Variants in BRIP1 observed in about 807,000 individuals in gnomAD.
BRIP1 encodes BRCA1 interacting DNA helicase 1.
Under a neutral mutation model 119.7 loss-of-function variants are expected in BRIP1, and 88 were observed. The ratio of observed to expected loss-of-function variants is 0.74; its 90% confidence interval spans 0.62 to 0.88. The LOEUF is 0.88. BRIP1 is among the 40% of genes least tolerant of loss of function. The pLI, the probability that BRIP1 is intolerant of heterozygous loss-of-function variation, is 0.00. For synonymous variants in BRIP1, 443 were observed against 496.5 expected, an observed-to-expected ratio of 0.89 and a Z score of 1.43; for missense variants, 1,259 against 1,455.4, an observed-to-expected ratio of 0.87 and a Z score of 2.20.
In BRIP1 at chr17:61,748,695, G is replaced by A. The variant is rs1313941975; in HGVS notation, c.2098-4104C>T. 6.6e-6 allele frequency among the ~76,000 whole-genome samples: 1 copy of A among 152,086 alleles called. No individual in the cohort carries two copies. The highest frequency in any genetic ancestry group is 2.1e-4 in the South Asian group (1 of 4,826). On this transcript the variant is annotated intron_variant, in intron 14 of 19. Coordinates refer to ENST00000259008, the MANE Select transcript of BRIP1 (RefSeq NM_032043.3). The surrounding 1 kb of genome is among the most constrained non-coding windows in gnomAD (Gnocchi z 4.7). ...GTATGATCAACTGATCTTCAGCAAG[G>A]GTGCCAAAAATACATAATGGGGAAA...
chr17:61,772,208 T>A (rs1433328569), intron 14 of BRIP1, among the ~76,000 whole-genome samples: 202 of 86,216 alleles, frequency 2.3e-3, no homozygotes, highest in African/African-American at 5.8e-3. Flanking sequence ...TATATATATA[T>A]AAAATGAAAT....
In BRIP1 at chr17:61,825,263, C is replaced by G. The variant is rs370000292; in HGVS notation, c.628-16506G>C. On this transcript the variant is annotated intron_variant, in intron 6 of 19. Transcript: ENST00000259008. This position sits in a 1 kb window ranked among gnomAD's most constrained non-coding sequence, Gnocchi z 4.1. ...TTGTGCCACTGCACTCCAGCCTGGG[C>G]GACAGAGCAAGACTCTGTCTCAAAA... Among the ~76,000 whole-genome samples, 1 of 149,596 alleles carries G rather than the reference C, an allele frequency of 6.7e-6. No homozygotes were observed. The highest frequency in any genetic ancestry group is 2.5e-5 in the African/African-American group (1 of 40,466).
rs2077927923 is a variant in BRIP1 at position 61,798,005 on chromosome 17, A to T, written c.1340+1095T>A. Among the ~76,000 whole-genome samples the T allele has an allele frequency of 1.3e-5, 2 of 152,020 alleles. No homozygotes were observed. Among genetic ancestry groups the T allele is most frequent in the African/African-American group, 2.4e-5 (1 of 41,434 alleles). On this transcript the variant is annotated intron_variant, in intron 9 of 19. Transcript: ENST00000259008. This position sits in a 1 kb window ranked among gnomAD's most constrained non-coding sequence, Gnocchi z 5.5. ...GTTAGCTATATCTATTGAAATTACA[A>T]ATATGTCTATGCTTTCACCCAACAA...
At chr17:61,698,056 T>C (rs569198388) in intron 17 of BRIP1, among the ~76,000 whole-genome samples, 4 of 152,342 alleles carry the variant, frequency 2.6e-5, no homozygotes, top group Non-Finnish European at 4.4e-5. Context: ...TCTGCCCGTG[T>C]TGGCCTCCCA....
Position 61,682,744 on chromosome 17 carries a change from C to G in BRIP1, c.*552G>C, listed in dbSNP as rs1478983804. 1.0e-5 allele frequency: 2 copies of G among 191,452 alleles called. No individual in the cohort carries two copies. Among genetic ancestry groups the G allele is most frequent in the Non-Finnish European group, 2.2e-5 (2 of 91,588 alleles). The allele number at this position is 191,452 out of a possible 1,614,324, so 11.9% of individuals were successfully genotyped here. On this transcript the variant is annotated 3_prime_UTR_variant, in exon 20 of 20. Transcript: ENST00000259008. The surrounding 1 kb of genome is among the most constrained non-coding windows in gnomAD (Gnocchi z 4.9). ...ACCTAATATGAATATTTACGTGAAA[C>G]TAGAAGTGCCCTAGGATCTTTGAAT...
chr17:61,821,876 T>G (rs1603351865), intron 6 of BRIP1, among the ~76,000 whole-genome samples: 1 of 152,224 alleles, frequency 6.6e-6, no homozygotes, highest in South Asian at 2.1e-4. Flanking sequence ...CAGGTGAATA[T>G]CACCACATCA....
chr17:61,813,290 A>G (rs1331930173), intron 6 of BRIP1, among the ~76,000 whole-genome samples: 1 of 151,688 alleles, frequency 6.6e-6, no homozygotes, highest in Non-Finnish European at 1.5e-5. Flanking sequence ...GTGTTCTTCC[A>G]TAACTTTCCA....
chr17:61,840,355 CA>C (rs11334899), intron 6 of BRIP1, among the ~76,000 whole-genome samples: 40,854 of 104,154 alleles, frequency 0.39, 6,000 homozygotes, highest in East Asian at 0.73. Context: ...GACTCCGTCT[CA>C]AAAAAAAAAA....
rs868121615 is a variant in BRIP1 at position 61,782,334 on chromosome 17, C to T, written c.1629-1329G>A. 1.2e-4 allele frequency among the ~76,000 whole-genome samples: 17 copies of T among 136,724 alleles called. No homozygotes were observed. The Middle Eastern group carries it at 0.029, about 230-fold the overall frequency. 89.7% of individuals were successfully genotyped at this position (136,724 alleles called of 152,430 possible). ...CCGGGAGGCTGAGCTTGCAGTGAGC[C>T]GAGATCGCGCCACTGCACTCCAACC... On this transcript the variant is annotated intron_variant, in intron 11 of 19. Coordinates refer to ENST00000259008, the MANE Select transcript of BRIP1 (RefSeq NM_032043.3).
rs2145760657 is a variant in BRIP1 at position 61,849,111 on chromosome 17, C to A, written c.507+18G>T. On this transcript the variant is annotated intron_variant, in intron 5 of 19. Coordinates refer to ENST00000259008, the MANE Select transcript of BRIP1 (RefSeq NM_032043.3). The stretch of plus-strand genomic sequence containing the variant: ...CTGTAACTAACTGGGTTATTTACTG[C>A]CAATAAACTCTGTTTACCTGCTGTG... The A allele has an allele frequency of 6.2e-7, 1 of 1,613,042 alleles. No individual in the cohort carries two copies.
At chr17:61,712,626 C>T (rs960297061) in intron 17 of BRIP1, among the ~76,000 whole-genome samples, 3 of 152,028 alleles carry the variant, frequency 2.0e-5, no homozygotes, top group Non-Finnish European at 2.9e-5. Context: ...AATTTGTGGG[C>T]CGAATGTGGT....
In BRIP1 at chr17:61,860,618, C is replaced by T. The variant is rs1198718198; in HGVS notation, c.94-711G>A. On this transcript the variant is annotated intron_variant, in intron 2 of 19. Transcript: ENST00000259008. The surrounding 1 kb of genome is among the most constrained non-coding windows in gnomAD (Gnocchi z 4.1). Reference sequence around the variant, plus strand: ...GGGGTTGCAGTGAGCCAAGATCGCGCCACTGCACTCCAATCTGGGCGACAG... The same window carrying T: ...GGGGTTGCAGTGAGCCAAGATCGCGTCACTGCACTCCAATCTGGGCGACAG... Among the ~76,000 whole-genome samples, 2 of 152,110 alleles carry T rather than the reference C, an allele frequency of 1.3e-5. No homozygotes were observed. Among genetic ancestry groups the T allele is most frequent in the African/African-American group, 4.8e-5 (2 of 41,420 alleles).
rs2077219666 is a variant in BRIP1 at position 61,757,777 on chromosome 17, A to T, written c.2098-13186T>A. On this transcript the variant is annotated intron_variant, in intron 14 of 19. Coordinates refer to ENST00000259008, the MANE Select transcript of BRIP1 (RefSeq NM_032043.3). This position sits in a 1 kb window ranked among gnomAD's most constrained non-coding sequence, Gnocchi z 4.3. ...CACTTTGGGAGGCCAAGGCAGACAG[A>T]TCTCTTGAGCTCAGGATTTCAAGAC... Among the ~76,000 whole-genome samples the T allele has an allele frequency of 6.6e-6, 1 of 152,108 alleles. No homozygotes were observed. The highest frequency in any genetic ancestry group is 2.4e-5 in the African/African-American group (1 of 41,430).
Position 61,846,226 on chromosome 17 carries a change from TAGAGAGAGAGAGAGAGAA to T in BRIP1, c.627+857_627+874del, listed in dbSNP as rs1309083589. 1.4e-5 allele frequency among the ~76,000 whole-genome samples: 2 copies of T among 140,944 alleles called. No homozygotes were observed. The highest frequency in any genetic ancestry group is 5.1e-5 in the African/African-American group (2 of 38,988). 92.5% of individuals were successfully genotyped at this position (140,944 alleles called of 152,430 possible). A position where few individuals can be genotyped will look rare whatever the true frequency, so the allele number is the denominator to read the frequency against. The stretch of plus-strand genomic sequence containing the variant: ...ATAAATTTAAAAAATTATATACATA[TAGAGAGAGAGAGAGAGAA>T]AAAGAGAGAGAGAGAGAAAGAGAGA... On this transcript the variant is annotated intron_variant, in intron 6 of 19. Transcript: ENST00000259008. This position sits in a 1 kb window ranked among gnomAD's most constrained non-coding sequence, Gnocchi z 4.3.
Position 61,729,177 on chromosome 17 carries a change from G to C in BRIP1, c.2380-13114C>G, listed in dbSNP as rs1019284068. ...GCCTGTAATCCCAGCTACTCGGGAGGCTGAGGCAGGAGGATCGCTTGAGCC... is the reference window on the plus strand; with the variant it reads ...GCCTGTAATCCCAGCTACTCGGGAGCCTGAGGCAGGAGGATCGCTTGAGCC... On this transcript the variant is annotated intron_variant, in intron 16 of 19. Transcript: ENST00000259008. This position sits in a 1 kb window ranked among gnomAD's most constrained non-coding sequence, Gnocchi z 5.6. 6.6e-6 allele frequency among the ~76,000 whole-genome samples: 1 copy of C among 152,122 alleles called. No individual in the cohort carries two copies. Among genetic ancestry groups the C allele is most frequent in the Non-Finnish European group, 1.5e-5 (1 of 68,036 alleles).
intron 8 of BRIP1, among the ~76,000 whole-genome samples, chr17:61,800,472 T>C (rs568083046): frequency 1.2e-4 from 18 of 152,210 alleles, no homozygotes; most frequent in Non-Finnish European, 2.5e-4. Context: ...GAGGTAATTT[T>C]TGAAGGATTC....
intron 6 of BRIP1, among the ~76,000 whole-genome samples, chr17:61,811,674 G>A (rs1382382194): frequency 2.0e-5 from 3 of 151,672 alleles, no homozygotes; most frequent in Admixed American, 6.6e-5. Context: ...GGTACAGGCC[G>A]GGCATGGTGG....
Position 61,686,292 on chromosome 17 carries a change from C to A in BRIP1, c.2576-127G>T, listed in dbSNP as rs1336742410. The A allele has an allele frequency of 4.6e-6, 4 of 873,558 alleles. No homozygotes were observed. The highest frequency in any genetic ancestry group is 7.3e-6 in the Non-Finnish European group (4 of 544,698). 54.1% of individuals were successfully genotyped at this position (873,558 alleles called of 1,614,324 possible). ...TGTATTTTGAATATACAGAATGGTT[C>A]TCCATATGTTTTTTCTGCAATTCAG... On this transcript the variant is annotated intron_variant, in intron 18 of 19. Transcript: ENST00000259008. The surrounding 1 kb of genome is among the most constrained non-coding windows in gnomAD (Gnocchi z 5.4).
Position 61,780,997 on chromosome 17 carries a change from T to C in BRIP1, c.1637A>G (p.Asp546Gly), listed in dbSNP as rs2077612367. The C allele has an allele frequency of 1.9e-6, 3 of 1,613,830 alleles. No individual in the cohort carries two copies. Among genetic ancestry groups the C allele is most frequent in the Non-Finnish European group, 2.5e-6 (3 of 1,179,996 alleles). ...CTGTTGAATCGCAATTTTATAATCA[T>C]CTGCAAATCTAGATGCAAAGAAAGT... ...YLFRQNSRFA[D>G]DYKIAIQQTY... The change falls in exon 12 of 20, where the codon GAT becomes GGT. Residue 546 changes from aspartate to glycine, a missense_variant. Asp to Gly is a moderately conservative substitution (Grantham distance 94). This residue lies in a region of BRIP1 where 753 missense variants were observed against 891.8 expected (regional missense o/e 0.84). Transcript: ENST00000259008. This position sits in a 1 kb window ranked among gnomAD's most constrained non-coding sequence, Gnocchi z 5.4.
Sources: allele counts gnomAD v4.1 joint callset (sites outside exome capture counted in the v4.1 genomes callset), GRCh38; gene constraint gnomAD v4.1.1; regional missense constraint gnomAD v4.1.1; non-coding constraint Gnocchi (gnomAD v3.1); transcripts MANE v1.5; gene names NCBI Gene and HGNC (gene_info 2026-07-23, HGNC 2026-07-21).